ARB2A: variants seen among roughly 807,000 people sequenced by gnomAD.
ARB2A encodes cotranscriptional regulator ARB2A.
the ARB2A span, among the ~76,000 whole-genome samples, chr5:93,722,420 A>C: frequency 6.6e-6 from 1 of 152,160 alleles, no homozygotes; most frequent in Non-Finnish European, 1.5e-5. Flanking sequence ...TCTATAACGT[A>C]TATCATAATA....
the ARB2A span, among the ~76,000 whole-genome samples, chr5:94,095,049 C>A: frequency 6.6e-6 from 1 of 152,302 alleles, no homozygotes; most frequent in South Asian, 2.1e-4. Context: ...ACTAGGAAGG[C>A]TCACAGAAGA....
At chr5:94,003,836 TA>T in the ARB2A span, among the ~76,000 whole-genome samples, 1 of 152,102 alleles carries the variant, frequency 6.6e-6, no homozygotes, top group Non-Finnish European at 1.5e-5. Flanking sequence ...TTGGTAGATA[TA>T]GATGATTATT....
the ARB2A span, among the ~76,000 whole-genome samples, chr5:93,801,298 C>A: frequency 6.6e-5 from 10 of 152,054 alleles, no homozygotes; most frequent in Non-Finnish European, 1.5e-4. Flanking sequence ...ATAGCTCCAA[C>A]CCCCTTTGTT....
chr5:93,888,455 A>G, the ARB2A span, among the ~76,000 whole-genome samples: 1 of 151,838 alleles, frequency 6.6e-6, no homozygotes, highest in Non-Finnish European at 1.5e-5. Flanking sequence ...TCTAAAGAAG[A>G]CTTGGATGGG....
the ARB2A span, among the ~76,000 whole-genome samples, chr5:93,787,508 T>C: frequency 6.6e-6 from 1 of 152,226 alleles, no homozygotes; most frequent in Admixed American, 6.5e-5. Flanking sequence ...TACTCTCAAA[T>C]AATATGGAAA....
chr5:93,941,071 C>T, the ARB2A span, among the ~76,000 whole-genome samples: 5 of 152,126 alleles, frequency 3.3e-5, no homozygotes, highest in African/African-American at 7.2e-5. Context: ...GAATTGTCAA[C>T]TAATTATTCC....
At chr5:93,753,985 G>A in the ARB2A span, among the ~76,000 whole-genome samples, 8 of 152,174 alleles carry the variant, frequency 5.3e-5, no homozygotes, top group African/African-American at 1.9e-4. Flanking sequence ...AGACAGGAGG[G>A]ATGTAGGGTA....
At chr5:93,851,004 T>A in the ARB2A span, among the ~76,000 whole-genome samples, 2 of 152,100 alleles carry the variant, frequency 1.3e-5, no homozygotes, top group African/African-American at 4.8e-5. Context: ...CTTCTTTTTA[T>A]TTTTTTCCCC....
the ARB2A span, among the ~76,000 whole-genome samples, chr5:93,870,504 T>C: frequency 6.6e-6 from 1 of 152,368 alleles, no homozygotes; most frequent in East Asian, 1.9e-4. Context: ...AAACCAGTGT[T>C]TTTAGACATG....
the ARB2A span, among the ~76,000 whole-genome samples, chr5:94,047,224 G>A: frequency 6.6e-6 from 1 of 152,200 alleles, no homozygotes; most frequent in African/African-American, 2.4e-5. Context: ...AGGCACAGTG[G>A]CTCATGCCTG....
the ARB2A span, among the ~76,000 whole-genome samples, chr5:94,018,783 A>G: frequency 2.6e-5 from 4 of 152,088 alleles, no homozygotes; most frequent in South Asian, 4.2e-4. Flanking sequence ...TGATGAATTG[A>G]CATTCATCAC....
the ARB2A span, among the ~76,000 whole-genome samples, chr5:94,015,334 C>T: frequency 1.3e-5 from 2 of 151,892 alleles, no homozygotes; most frequent in Non-Finnish European, 2.9e-5. Flanking sequence ...TAAAGTCTTT[C>T]GTAGACAAAC....
the ARB2A span, among the ~76,000 whole-genome samples, chr5:93,854,222 T>C: frequency 2.0e-5 from 3 of 152,248 alleles, no homozygotes; most frequent in Non-Finnish European, 2.9e-5. Flanking sequence ...CCATTTCTTC[T>C]AGATTTTCTA....
At chr5:93,960,179 C>A in the ARB2A span, among the ~76,000 whole-genome samples, 1 of 135,708 alleles carries the variant, frequency 7.4e-6, no homozygotes, top group Non-Finnish European at 1.6e-5. Flanking sequence ...AATAAAATAT[C>A]TGTACTTCTA....
the ARB2A span, among the ~76,000 whole-genome samples, chr5:94,105,045 T>C: frequency 7.2e-5 from 11 of 152,076 alleles, no homozygotes; most frequent in South Asian, 4.1e-4. Flanking sequence ...TCATACTAAA[T>C]AGGCAAAAGC....
the ARB2A span, among the ~76,000 whole-genome samples, chr5:93,807,138 T>C: frequency 2.0e-5 from 3 of 151,994 alleles, no homozygotes; most frequent in Non-Finnish European, 4.4e-5. Flanking sequence ...AGTTCCTCAC[T>C]AAATGCATAG....
chr5:93,853,438 A>G, the ARB2A span, among the ~76,000 whole-genome samples: 367 of 152,316 alleles, frequency 2.4e-3, 1 homozygote, highest in African/African-American at 8.5e-3. Flanking sequence ...TCCTAATTGA[A>G]TACCCTTTAT....
the ARB2A span, among the ~76,000 whole-genome samples, chr5:94,001,059 G>A: frequency 1.3e-5 from 2 of 151,970 alleles, no homozygotes; most frequent in Non-Finnish European, 2.9e-5. Context: ...TATATTTATA[G>A]TAAGTCTTTA....
At chr5:93,931,346 C>T in the ARB2A span, among the ~76,000 whole-genome samples, 3 of 152,106 alleles carry the variant, frequency 2.0e-5, no homozygotes, top group African/African-American at 7.2e-5. Context: ...TGCCTGTAAT[C>T]CCAGCTACTC....
Sources: gnomAD v4.1 joint callset for allele counts (sites outside exome capture counted in the v4.1 genomes callset) on GRCh38, gnomAD v4.1.1 for gene constraint, MANE v1.5 for transcripts, NCBI Gene and HGNC (gene_info 2026-07-23, HGNC 2026-07-21) for gene names.